ATP10B: variants seen among roughly 807,000 people sequenced by gnomAD.
ATP10B encodes ATPase phospholipid transporting 10B (putative).
Under a neutral mutation model 141.2 loss-of-function variants are expected in ATP10B, and 122 were observed. That is an observed-to-expected ratio of 0.86 (90% CI 0.75 to 1.00). The LOEUF is 1.00. Among genes scored for constraint, ATP10B ranks in the 50% least tolerant of loss-of-function variants. The pLI, the probability that ATP10B is intolerant of heterozygous loss-of-function variation, is 0.00. For synonymous variants in ATP10B, 685 were observed against 692.0 expected, an observed-to-expected ratio of 0.99 and a Z score of 0.16; for missense variants, 1,876 against 1,825.3, an observed-to-expected ratio of 1.03 and a Z score of -0.51.
chr5:160,870,455 C>T, the ATP10B span, among the ~76,000 whole-genome samples: 2 of 150,878 alleles, frequency 1.3e-5, no homozygotes, highest in Non-Finnish European at 1.5e-5. Context: ...AGCAGCAGAA[C>T]CAGTCTTGGA....
intron 18 of ATP10B, among the ~76,000 whole-genome samples, chr5:160,608,275 C>T (rs1416517049): frequency 1.3e-5 from 2 of 152,180 alleles, no homozygotes; most frequent in Non-Finnish European, 2.9e-5. Flanking sequence ...GTTTTTATGG[C>T]TGCATAGTAT....
intron 2 of ATP10B, among the ~76,000 whole-genome samples, chr5:160,727,863 T>A (rs970345539): frequency 1.3e-5 from 2 of 152,182 alleles, no homozygotes; most frequent in African/African-American, 4.8e-5. Context: ...CATCTCCAAG[T>A]GTGACTGCCT....
intron 1 of ATP10B, among the ~76,000 whole-genome samples, chr5:160,803,285 G>T (rs534301778): frequency 3.3e-5 from 5 of 152,302 alleles, no homozygotes; most frequent in African/African-American, 9.6e-5. Flanking sequence ...TTGCCATGAA[G>T]ATTATCACGT....
intron 22 of ATP10B, among the ~76,000 whole-genome samples, chr5:160,597,772 G>T (rs369831981): frequency 1.3e-5 from 2 of 152,070 alleles, no homozygotes; most frequent in African/African-American, 4.8e-5. Flanking sequence ...AGACATTTAC[G>T]CAGCCAAAAA....
intron 1 of ATP10B, among the ~76,000 whole-genome samples, chr5:160,837,021 A>G (rs955007366): frequency 2.6e-5 from 4 of 152,070 alleles, no homozygotes; most frequent in Non-Finnish European, 4.4e-5. Flanking sequence ...TGCGAAAATC[A>G]TACTTTGGCT....
chr5:160,725,879 G>A (rs142722789), intron 2 of ATP10B, among the ~76,000 whole-genome samples: 2 of 152,278 alleles, frequency 1.3e-5, no homozygotes, highest in East Asian at 1.9e-4. Context: ...TCTGGAAACC[G>A]AGGCCCTGAA....
Position 160,572,201 on chromosome 5 carries a change from CT to C in ATP10B, c.3751-2519del, listed in dbSNP as rs1485777619. Among the ~76,000 whole-genome samples, 456 of 151,456 alleles carry C rather than the reference CT, an allele frequency of 3.0e-3. 5 individuals are homozygous for C. The highest frequency in any genetic ancestry group is 0.01 in the African/African-American group (432 of 41,300). On this transcript the variant is annotated intron_variant, in intron 24 of 25. Transcript: ENST00000327245. The stretch of plus-strand genomic sequence containing the variant: ...TGCTTTTAAAGAGTTTTTTTTTCCC[CT>C]TTTTTAAAGTTATCCAGTATTTTTT...
intron 3 of ATP10B, among the ~76,000 whole-genome samples, chr5:160,707,348 C>A (rs543359721): frequency 6.6e-6 from 1 of 152,348 alleles, no homozygotes; most frequent in African/African-American, 2.4e-5. Flanking sequence ...AAATCTAGGA[C>A]CCCCTAAGCT....
At chr5:160,709,464 C>G (rs1765220660) in intron 3 of ATP10B, among the ~76,000 whole-genome samples, 1 of 152,058 alleles carries the variant, frequency 6.6e-6, no homozygotes, top group South Asian at 2.1e-4. Flanking sequence ...AACTAGTAAT[C>G]AGGGACATGT....
intron 2 of ATP10B, among the ~76,000 whole-genome samples, chr5:160,754,276 C>G (rs1768359125): frequency 6.6e-6 from 1 of 152,170 alleles, no homozygotes; most frequent in Non-Finnish European, 1.5e-5. Context: ...TCTTAACTCT[C>G]AAACCCATGC....
At chr5:160,669,400 C>T (rs2127723784) in intron 7 of ATP10B, among the ~76,000 whole-genome samples, 1 of 152,282 alleles carries the variant, frequency 6.6e-6, no homozygotes, top group South Asian at 2.1e-4. Flanking sequence ...AGGACGGTAA[C>T]TTGCCCAAGG....
chr5:160,877,279 A>G, the ATP10B span, among the ~76,000 whole-genome samples: 11 of 148,910 alleles, frequency 7.4e-5, no homozygotes, highest in Non-Finnish European at 1.0e-4. Context: ...GCCAAAGACA[A>G]AAACCACATG....
chr5:160,747,586 C>T, intron 2 of ATP10B, among the ~76,000 whole-genome samples: 1 of 152,072 alleles, frequency 6.6e-6, no homozygotes, highest in East Asian at 1.9e-4. Flanking sequence ...TGGAGAGAGG[C>T]TACCACAAGC....
chr5:160,736,923 G>A (rs1767159955), intron 2 of ATP10B, among the ~76,000 whole-genome samples: 1 of 152,144 alleles, frequency 6.6e-6, no homozygotes, highest in Admixed American at 6.5e-5. Context: ...CCAATATTAT[G>A]CTGATACAAA....
At chr5:160,910,245 G>A in the ATP10B span, among the ~76,000 whole-genome samples, 1 of 152,102 alleles carries the variant, frequency 6.6e-6, no homozygotes, top group Non-Finnish European at 1.5e-5. Flanking sequence ...TTTACATTCA[G>A]GTTTCAGCTC....
the ATP10B span, among the ~76,000 whole-genome samples, chr5:160,872,457 C>A: frequency 4.6e-5 from 7 of 152,244 alleles, no homozygotes; most frequent in East Asian, 1.2e-3. Flanking sequence ...TTGCCTAAAC[C>A]AATGTCTAGA....
At chr5:160,673,980 A>C (rs1028407323) in intron 6 of ATP10B, among the ~76,000 whole-genome samples, 1 of 152,218 alleles carries the variant, frequency 6.6e-6, no homozygotes, top group Non-Finnish European at 1.5e-5. Context: ...GGAACAAAGA[A>C]TGTATCACTC....
At chr5:160,692,547 G>C (rs561855178) in intron 3 of ATP10B, 1 of 152,172 alleles carries the variant, frequency 6.6e-6, no homozygotes, top group Non-Finnish European at 1.5e-5. Context: ...TGACATTAGA[G>C]TCATAAGGGT....
At chr5:160,808,938 C>T (rs1347042159) in intron 1 of ATP10B, among the ~76,000 whole-genome samples, 1 of 152,236 alleles carries the variant, frequency 6.6e-6, no homozygotes, top group South Asian at 2.1e-4. Flanking sequence ...CATGCTTCTT[C>T]CCTGGTTGCT....
Sources: gnomAD v4.1 joint callset for allele counts (sites outside exome capture counted in the v4.1 genomes callset) on GRCh38, gnomAD v4.1.1 for gene constraint, MANE v1.5 for transcripts, NCBI Gene and HGNC (gene_info 2026-07-23, HGNC 2026-07-21) for gene names.